The following GABRB3 variants were observed in gnomAD, a reference collection of about 807,000 sequenced individuals.
GABRB3 encodes gamma-aminobutyric acid type A receptor subunit beta3.
In GABRB3, 14 loss-of-function variants were observed where a neutral mutation model predicts 52.1. The ratio of observed to expected loss-of-function variants is 0.27; its 90% CI spans 0.18 to 0.42. The LOEUF is 0.42. Ranked by LOEUF, GABRB3 falls within the 10% of genes least tolerant of loss-of-function variation. The probability of loss-of-function intolerance (pLI) is 1.00; values close to 1 mark genes in which losing one functional copy is unlikely to be tolerated. For synonymous variants in GABRB3, 260 were observed against 232.3 expected, an observed-to-expected ratio of 1.12 and a Z score of -1.08; for missense variants, 307 against 609.1, an observed-to-expected ratio of 0.50 and a Z score of 5.22.
intron 4 of GABRB3, among the ~76,000 whole-genome samples, chr15:26,593,631 G>A (rs1891285843): frequency 6.6e-6 from 1 of 151,984 alleles, no homozygotes; most frequent in Non-Finnish European, 1.5e-5. Context: ...CACCCATGGT[G>A]TAGCATGTAC....
intron 3 of GABRB3, among the ~76,000 whole-genome samples, chr15:26,724,756 A>C (rs541495107): frequency 6.6e-6 from 1 of 152,224 alleles, no homozygotes; most frequent in East Asian, 1.9e-4. Context: ...TTCCTTCATA[A>C]ATATTCATGA....
chr15:26,585,285 C>T (rs888105050), intron 4 of GABRB3, among the ~76,000 whole-genome samples: 1 of 152,178 alleles, frequency 6.6e-6, no homozygotes, highest in Non-Finnish European at 1.5e-5. Flanking sequence ...CTTCAATCCC[C>T]AGCTGTCCTT....
rs1488922404 is a variant in GABRB3 at position 26,547,702 on chromosome 15, G to C, written c.*91C>G. On this transcript the variant is annotated 3_prime_UTR_variant, in exon 9 of 9. Transcript: ENST00000311550. Reference sequence around the variant, plus strand: ...TATATATGTGTGTGTCTGCTTGTGTGTCTGTGTGTGTACAGGTATAAAAAC... The same window carrying C: ...TATATATGTGTGTGTCTGCTTGTGTCTCTGTGTGTGTACAGGTATAAAAAC... 1.6e-5 allele frequency: 15 copies of C among 943,192 alleles called. 1 individual carries two copies. Among genetic ancestry groups the C allele is most frequent in the Non-Finnish European group, 1.0e-5 (6 of 583,244 alleles). 58.4% of individuals were successfully genotyped at this position (943,192 alleles called of 1,614,324 possible). A position where few individuals can be genotyped will look rare whatever the true frequency, so the allele number is the denominator to read the frequency against.
intron 3 of GABRB3, among the ~76,000 whole-genome samples, chr15:26,723,610 T>C (rs920176363): frequency 1.3e-5 from 2 of 152,228 alleles, no homozygotes; most frequent in South Asian, 2.1e-4. Context: ...CTCCCAGCCA[T>C]GGTCATTGTC....
rs527536698 is a variant in GABRB3 at position 26,571,853 on chromosome 15, T to G, written c.683-4120A>C. 1.5e-3 allele frequency among the ~76,000 whole-genome samples: 230 copies of G among 152,002 alleles called. 2 individuals carry two copies. Among genetic ancestry groups the G allele is most frequent in the Non-Finnish European group, 2.3e-3 (159 of 67,942 alleles). On this transcript the variant is annotated intron_variant, in intron 6 of 8. Transcript: ENST00000311550. The stretch of plus-strand genomic sequence containing the variant: ...TCGCGAGGTCAAGAGATCGAGACCA[T>G]CCTGGCCAACATGGTGAAACCCCAT...
intron 8 of GABRB3, among the ~76,000 whole-genome samples, chr15:26,555,464 C>T (rs1049789079): frequency 6.6e-6 from 1 of 152,118 alleles, no homozygotes; most frequent in Non-Finnish European, 1.5e-5. Context: ...GCGCTGTGGC[C>T]ACTGTTGTGT....
intron 3 of GABRB3, among the ~76,000 whole-genome samples, chr15:26,727,830 T>G (rs571732538): frequency 7.9e-5 from 12 of 152,352 alleles, no homozygotes; most frequent in African/African-American, 2.9e-4. Flanking sequence ...CAAGCCTTAC[T>G]TGTTTCCTTG....
At chr15:26,685,787 T>C (rs1461863716) in intron 3 of GABRB3, among the ~76,000 whole-genome samples, 1 of 148,526 alleles carries the variant, frequency 6.7e-6, no homozygotes, top group Non-Finnish European at 1.5e-5. Flanking sequence ...CTGATCTCAG[T>C]AGTAAGATGG....
At chr15:26,603,414 T>G (rs113489161) in intron 4 of GABRB3, among the ~76,000 whole-genome samples, 1,851 of 152,088 alleles carry the variant, frequency 0.012, 33 homozygotes, top group African/African-American at 0.042. Context: ...CTGAAGCCAG[T>G]ATCACCCTGA....
In GABRB3 at chr15:26,607,261, A is replaced by C. The variant is rs144584787; in HGVS notation, c.461+14053T>G. ...AACTCTCTTACATTTAATTCGGCTT[A>C]AGTTTTACTTTTATCTATGTATATC... On this transcript the variant is annotated intron_variant, in intron 4 of 8. Coordinates refer to ENST00000311550, the MANE Select transcript of GABRB3 (RefSeq NM_000814.6). 4.0e-4 allele frequency among the ~76,000 whole-genome samples: 61 copies of C among 152,308 alleles called. 1 individual carries two copies. Among genetic ancestry groups the C allele is most frequent in the East Asian group, 7.7e-4 (4 of 5,184 alleles).
At chr15:26,749,432 C>T (rs545341789) in intron 3 of GABRB3, among the ~76,000 whole-genome samples, 52 of 152,266 alleles carry the variant, frequency 3.4e-4, no homozygotes, top group Admixed American at 2.9e-3. Flanking sequence ...TTGTTTAAGA[C>T]TCATGGTATG....
intron 3 of GABRB3, among the ~76,000 whole-genome samples, chr15:26,670,459 C>T (rs570356542): frequency 6.6e-6 from 1 of 152,188 alleles, no homozygotes; most frequent in African/African-American, 2.4e-5. Flanking sequence ...CAGAGGTGGC[C>T]GCCAAGGCGC....
At chr15:26,713,257 GT>G (rs1482718684) in intron 3 of GABRB3, among the ~76,000 whole-genome samples, 2 of 152,220 alleles carry the variant, frequency 1.3e-5, no homozygotes, top group African/African-American at 4.8e-5. Context: ...GGCAGTGGTA[GT>G]GGGAGGACAG....
At chr15:26,619,820 C>T (rs903097746) in intron 4 of GABRB3, among the ~76,000 whole-genome samples, 39 of 151,776 alleles carry the variant, frequency 2.6e-4, no homozygotes, top group Admixed American at 1.3e-4. Context: ...CACACATGTG[C>T]ACACACCTAC....
chr15:26,684,540 G>A (rs988927047), intron 3 of GABRB3, among the ~76,000 whole-genome samples: 1 of 152,088 alleles, frequency 6.6e-6, no homozygotes, highest in East Asian at 1.9e-4. Flanking sequence ...TTTGGCTTTC[G>A]GCGTGCCTTT....
rs1359366667 is a variant in GABRB3, at chr15:26,716,826, C to A, written c.240+55576G>T. 10 of 1,150,302 alleles carry A rather than the reference C, an allele frequency of 8.7e-6. 1 individual carries two copies. In the African/African-American group the frequency reaches 8.8e-5, roughly 10 times the overall value. 71.3% of individuals were successfully genotyped at this position (1,150,302 alleles called of 1,614,324 possible). A position where few individuals can be genotyped will look rare whatever the true frequency, so the allele number is the denominator to read the frequency against. On this transcript the variant is annotated intron_variant, in intron 3 of 8. Transcript: ENST00000311550. ...ACCTCCACCCAACCACAGCCCAGCTCTGAGGACCTCCACCCAACCACAGCC... is the reference window on the plus strand; with the variant it reads ...ACCTCCACCCAACCACAGCCCAGCTATGAGGACCTCCACCCAACCACAGCC...
At chr15:26,773,636 C>G (rs995285182), upstream of GABRB3, 2 of 1,556,330 alleles carry the variant, frequency 1.3e-6, no homozygotes, top group African/African-American at 2.7e-5. Flanking sequence ...CGGGAAGCCC[C>G]CGCCTCACCT....
intron 4 of GABRB3, 48 bp from the exon 5 acceptor site, chr15:26,583,462 G>T: frequency 2.0e-6 from 3 of 1,467,534 alleles, no homozygotes; most frequent in South Asian, 1.1e-5. Context: ...GCTGAGAAAT[G>T]TATCAGGGAG....
At chr15:26,590,772 A>G (rs1342302261) in intron 4 of GABRB3, among the ~76,000 whole-genome samples, 1 of 152,208 alleles carries the variant, frequency 6.6e-6, no homozygotes, top group East Asian at 1.9e-4. Flanking sequence ...GTTAGCAGCC[A>G]ATTCCTTTCC....
Sources: gnomAD v4.1 joint callset for allele counts (sites outside exome capture counted in the v4.1 genomes callset) on GRCh38, gnomAD v4.1.1 for gene constraint, MANE v1.5 for transcripts, NCBI Gene and HGNC (gene_info 2026-07-23, HGNC 2026-07-21) for gene names.